Variants in SLC30A7 observed in about 807,000 individuals in gnomAD.
SLC30A7 encodes the protein solute carrier family 30 member 7.
A neutral mutation model predicts 46.0 loss-of-function variants in SLC30A7; 35 were observed. That is an observed-to-expected ratio of 0.76 (90% confidence interval 0.58 to 1.01). SLC30A7 has a LOEUF of 1.01. Among genes scored for constraint, SLC30A7 ranks in the 50% least tolerant of loss-of-function variants. SLC30A7 has a pLI of 0.00. For synonymous variants in SLC30A7, 147 were observed against 157.8 expected, an observed-to-expected ratio of 0.93 and a Z score of 0.51; for missense variants, 464 against 451.1, an observed-to-expected ratio of 1.03 and a Z score of -0.26.
At chr1:100,971,343 T>G (rs1048469909) in intron 10 of SLC30A7, among the ~76,000 whole-genome samples, 1 of 152,132 alleles carries the variant, frequency 6.6e-6, no homozygotes, top group African/African-American at 2.4e-5. Context: ...AGGGCTTTAA[T>G]GTTTCCTAAG....
intron 6 of SLC30A7, 41 bp downstream of exon 6, chr1:100,913,847 A>G (rs1442930642): frequency 1.9e-6 from 3 of 1,577,144 alleles, no homozygotes; most frequent in East Asian, 4.5e-5. Flanking sequence ...CTCCAAATAA[A>G]CAAGAGTTTT....
At chr1:100,983,397 AAAACAAAAC>A (rs1558021906), downstream of SLC30A7, among the ~76,000 whole-genome samples, 170 of 123,068 alleles carry the variant, frequency 1.4e-3, no homozygotes, top group East Asian at 8.4e-3. Flanking sequence ...AAAACAAAAC[AAAACAAAAC>A]AAAAAAAACT....
intron 8 of SLC30A7, among the ~76,000 whole-genome samples, chr1:100,948,965 GATGGGTTAGAAC>G (rs1398519105): frequency 6.6e-6 from 1 of 152,158 alleles, no homozygotes; most frequent in Non-Finnish European, 1.5e-5. Flanking sequence ...ACTTCCTCGT[GATGGGTTAGAAC>G]ATGCTCCTTT....
intron 8 of SLC30A7, among the ~76,000 whole-genome samples, chr1:100,928,689 TATG>T (rs1013332970): frequency 2.0e-5 from 3 of 152,078 alleles, no homozygotes; most frequent in East Asian, 1.9e-4. Flanking sequence ...GATTATAAAA[TATG>T]ATCATGGTAG....
At chr1:100,940,918 A>C (rs1190911942) in intron 8 of SLC30A7, 1 of 378,734 alleles carries the variant, frequency 2.6e-6, no homozygotes, top group Non-Finnish European at 5.2e-6. Context: ...CCCTGCCACC[A>C]CTGTGCTTGG....
At chr1:100,919,515 G>C (rs1349969179) in intron 7 of SLC30A7, among the ~76,000 whole-genome samples, 2 of 151,958 alleles carry the variant, frequency 1.3e-5, no homozygotes, top group African/African-American at 4.8e-5. Context: ...TCCAATCACA[G>C]GTTTTCCATT....
chr1:100,994,327 T>G, the SLC30A7 span, among the ~76,000 whole-genome samples: 1 of 152,292 alleles, frequency 6.6e-6, no homozygotes, highest in Admixed American at 6.5e-5. Flanking sequence ...TTAATTAAAA[T>G]TAAATGAAAA....
chr1:100,995,730 G>C, the SLC30A7 span: 4 of 152,404 alleles, frequency 2.6e-5, no homozygotes, highest in Non-Finnish European at 5.9e-5. Context: ...CTAGAAGCTT[G>C]ACAGTCCAAG....
intron 8 of SLC30A7, 109 bp downstream of exon 8, chr1:100,921,950 CTTTTT>C (rs11166531): frequency 2.0e-3 from 777 of 397,006 alleles, no homozygotes; most frequent in East Asian, 3.8e-3. Flanking sequence ...CCTTTGCTTG[CTTTTT>C]TTTTTTTTTT....
At chr1:100,990,564 T>TG in the SLC30A7 span, 1 of 1,614,158 alleles carries the variant, frequency 6.2e-7, no homozygotes, top group Non-Finnish European at 8.5e-7. Flanking sequence ...TTAAAGTGCC[T>TG]GCTGCAATTT....
intron 2 of SLC30A7, among the ~76,000 whole-genome samples, chr1:100,897,284 T>A (rs1390860859): frequency 6.6e-6 from 1 of 151,848 alleles, no homozygotes; most frequent in East Asian, 1.9e-4. Flanking sequence ...AGGGTTTTTG[T>A]TTTTTTTGAA....
At chr1:100,962,014 G>T in intron 9 of SLC30A7, 96 bp downstream of exon 9, 2 of 636,118 alleles carry the variant, frequency 3.1e-6, no homozygotes, top group South Asian at 2.6e-5. Flanking sequence ...GTGTATAATT[G>T]ACTGTTTCTT....
Position 100,980,113 on chromosome 1 carries a change from T to C in SLC30A7, c.*5256T>C, listed in dbSNP as rs1246219604. The C allele has an allele frequency of 2.6e-5, 4 of 152,142 alleles. No individual in the cohort carries two copies. The highest frequency in any genetic ancestry group is 4.4e-5 in the Non-Finnish European group (3 of 67,988). The allele number at this position is 152,142 out of a possible 1,614,324, so 9.4% of individuals were successfully genotyped here. A position where few individuals can be genotyped will look rare whatever the true frequency, so the allele number is the denominator to read the frequency against. On this transcript the variant is annotated 3_prime_UTR_variant, in exon 11 of 11. Coordinates refer to ENST00000357650, the MANE Select transcript of SLC30A7 (RefSeq NM_133496.5). Reference sequence around the variant, plus strand: ...TAAGACTATTTAAAAAATAAAGTTTTGTTGGCATTGAAGAGTAAGCTGCTT... The same window carrying C: ...TAAGACTATTTAAAAAATAAAGTTTCGTTGGCATTGAAGAGTAAGCTGCTT...
chr1:100,927,878 C>G (rs189317770), intron 8 of SLC30A7, among the ~76,000 whole-genome samples: 7 of 147,784 alleles, frequency 4.7e-5, no homozygotes, highest in African/African-American at 1.7e-4. Flanking sequence ...CCTATCTTCC[C>G]TGTTTGGGAA....
chr1:100,918,311 T>C (rs1652723008), intron 7 of SLC30A7, among the ~76,000 whole-genome samples, 184 bp downstream of exon 7: 1 of 152,220 alleles, frequency 6.6e-6, no homozygotes. Flanking sequence ...CTTTTAATTG[T>C]CACTTGACTG....
downstream of SLC30A7, among the ~76,000 whole-genome samples, chr1:100,982,694 A>C (rs949538091): frequency 6.6e-6 from 1 of 152,210 alleles, no homozygotes; most frequent in East Asian, 1.9e-4. Context: ...AGCCACCTCC[A>C]TTTCAGCCCC....
intron 8 of SLC30A7, among the ~76,000 whole-genome samples, chr1:100,923,641 G>A (rs1653101579): frequency 6.6e-6 from 1 of 152,096 alleles, no homozygotes; most frequent in Non-Finnish European, 1.5e-5. Flanking sequence ...AGCTGGGCAT[G>A]GTGGTTGTGT....
intron 8 of SLC30A7, among the ~76,000 whole-genome samples, chr1:100,944,723 G>A (rs1194293802): frequency 6.9e-6 from 1 of 144,400 alleles, no homozygotes; most frequent in East Asian, 2.1e-4. Context: ...GGACATTTGG[G>A]TTGGTTCCAA....
At chr1:100,937,703 T>G (rs914975092) in intron 8 of SLC30A7, among the ~76,000 whole-genome samples, 1 of 152,206 alleles carries the variant, frequency 6.6e-6, no homozygotes, top group African/African-American at 2.4e-5. Flanking sequence ...ATATTCTGGA[T>G]ATTAACTCTT....
Sources: allele counts gnomAD v4.1 joint callset (sites outside exome capture counted in the v4.1 genomes callset), GRCh38; gene constraint gnomAD v4.1.1; transcripts MANE v1.5; gene names NCBI Gene and HGNC (gene_info 2026-07-23, HGNC 2026-07-21).